Variants in WLS observed in about 807,000 individuals in gnomAD.
The protein encoded by WLS is Wnt ligand secretion mediator.
In WLS, 23 loss-of-function variants were observed where a neutral mutation model predicts 62.8. The ratio of observed to expected loss-of-function variants is 0.37; its 90% CI spans 0.26 to 0.52. The LOEUF is 0.52. Among genes scored for constraint, WLS ranks in the 20% least tolerant of loss-of-function variants. WLS has a pLI of 0.92. For missense variants in WLS, 615 were observed against 697.3 expected (o/e 0.88, Z 1.33); for synonymous variants, 246 against 244.1 (o/e 1.01, Z -0.07).
At chr1:68,193,477 G>T (rs1335644989) in intron 2 of WLS, among the ~76,000 whole-genome samples, 1 of 139,818 alleles carries the variant, frequency 7.2e-6, no homozygotes, top group Non-Finnish European at 1.5e-5. Context: ...GGAAATGGGT[G>T]CTCATGGGTT....
chr1:68,211,200 T>C (rs1482094275), intron 1 of WLS, among the ~76,000 whole-genome samples: 2 of 152,032 alleles, frequency 1.3e-5, no homozygotes, highest in African/African-American at 4.8e-5. Context: ...AGGACAGGTC[T>C]AAACCCAAAC....
At chr1:68,213,437 G>A (rs554581684) in intron 1 of WLS, among the ~76,000 whole-genome samples, 1 of 136,192 alleles carries the variant, frequency 7.3e-6, no homozygotes, top group South Asian at 2.4e-4. Flanking sequence ...GGCAACAAGA[G>A]CGAAACTTCA....
chr1:68,205,259 C>T (rs1037951283), intron 1 of WLS, among the ~76,000 whole-genome samples: 4 of 152,112 alleles, frequency 2.6e-5, no homozygotes, highest in African/African-American at 4.8e-5. Flanking sequence ...CTTCCAGATC[C>T]GTGTCAAGCA....
chr1:68,209,704 C>T (rs1454693403), intron 1 of WLS, among the ~76,000 whole-genome samples: 3 of 152,090 alleles, frequency 2.0e-5, no homozygotes, highest in South Asian at 2.1e-4. Flanking sequence ...TCACTTGAAC[C>T]TGGGAAGCGG....
intron 8 of WLS, among the ~76,000 whole-genome samples, chr1:68,147,261 A>G (rs1034739041): frequency 5.3e-5 from 8 of 152,226 alleles, no homozygotes; most frequent in Non-Finnish European, 1.5e-5. Context: ...ATTTAACATT[A>G]GAAACATTCT....
chr1:68,232,393 TC>T lies in WLS; in HGVS notation c.-95del. The T allele has an allele frequency of 6.7e-7, 1 of 1,490,210 alleles. No individual in the cohort carries two copies. The highest frequency in any genetic ancestry group is 9.0e-7 in the Non-Finnish European group (1 of 1,116,406). The allele number at this position is 1,490,210 out of a possible 1,614,324, so 92.3% of individuals were successfully genotyped here. Reference sequence around the variant, plus strand: ...CTCACACACTCCCTCCTTCCTCGCCTCCTTTCTGGGCGCTGCAAAACTTCAG... The same window carrying T: ...CTCACACACTCCCTCCTTCCTCGCCTCTTTCTGGGCGCTGCAAAACTTCAG... On this transcript the variant is annotated 5_prime_UTR_variant, in exon 1 of 12. Transcript: ENST00000262348.
intron 11 of WLS, among the ~76,000 whole-genome samples, chr1:68,133,818 TCA>T (rs1646566550): frequency 6.6e-6 from 1 of 152,150 alleles, no homozygotes; most frequent in South Asian, 2.1e-4. Flanking sequence ...TCCCTCCAAC[TCA>T]CATACCAAAC....
At chr1:68,107,192 C>T (rs773104848) in intron 11 of WLS, among the ~76,000 whole-genome samples, 5 of 152,076 alleles carry the variant, frequency 3.3e-5, no homozygotes, top group Admixed American at 6.5e-5. Context: ...TGTGAATCTT[C>T]ATTGACTTAA....
chr1:68,105,115 T>G (rs1222709273), intron 11 of WLS, among the ~76,000 whole-genome samples: 1 of 152,256 alleles, frequency 6.6e-6, no homozygotes, highest in Non-Finnish European at 1.5e-5. Context: ...TACCCTTTAT[T>G]AATGTCTATT....
intron 2 of WLS, among the ~76,000 whole-genome samples, chr1:68,179,189 TGA>T (rs1206876964): frequency 6.6e-6 from 1 of 152,188 alleles, no homozygotes; most frequent in Non-Finnish European, 1.5e-5. Context: ...GGTTTTCACT[TGA>T]GGGTCTCTGA....
intron 2 of WLS, among the ~76,000 whole-genome samples, chr1:68,161,030 T>C (rs1646964503): frequency 6.6e-6 from 1 of 152,224 alleles, no homozygotes; most frequent in African/African-American, 2.4e-5. Context: ...AACATTATTC[T>C]TCTTGAACCG....
intron 2 of WLS, among the ~76,000 whole-genome samples, chr1:68,184,102 A>T: frequency 6.6e-6 from 1 of 152,210 alleles, no homozygotes; most frequent in Non-Finnish European, 1.5e-5. Context: ...CAACCCCTGA[A>T]ACTCCTAGAT....
At chr1:68,190,817 G>C (rs1217865529) in intron 2 of WLS, among the ~76,000 whole-genome samples, 1 of 152,288 alleles carries the variant, frequency 6.6e-6, no homozygotes, top group African/African-American at 2.4e-5. Context: ...CAGCACTTTG[G>C]GAGGCCGAAG....
intron 1 of WLS, among the ~76,000 whole-genome samples, chr1:68,208,975 G>A (rs544409766): frequency 4.7e-4 from 72 of 152,236 alleles, no homozygotes; most frequent in South Asian, 1.0e-3. Context: ...TTGGCTGCCC[G>A]GTCCCCATCC....
chr1:68,160,311 T>G (rs1471653322), intron 2 of WLS, among the ~76,000 whole-genome samples: 1 of 148,386 alleles, frequency 6.7e-6, no homozygotes, highest in Non-Finnish European at 1.5e-5. Flanking sequence ...AGCAACTTTG[T>G]TTTTTTTTAA....
intron 2 of WLS, among the ~76,000 whole-genome samples, chr1:68,187,794 T>C (rs547267437): frequency 6.6e-6 from 1 of 152,222 alleles, no homozygotes; most frequent in South Asian, 2.1e-4. Flanking sequence ...AAAAAAAAAG[T>C]AGCTAAAAGT....
chr1:68,187,500 A>G (rs1648034201), intron 2 of WLS, among the ~76,000 whole-genome samples: 1 of 152,190 alleles, frequency 6.6e-6, no homozygotes, highest in Non-Finnish European at 1.5e-5. Flanking sequence ...TAATATTTAT[A>G]TATAGAAATG....
chr1:68,168,591 T>C (rs1277736155), intron 2 of WLS, among the ~76,000 whole-genome samples: 1 of 152,194 alleles, frequency 6.6e-6, no homozygotes, highest in Non-Finnish European at 1.5e-5. Context: ...GGAATGATTT[T>C]ATGGTTGTCA....
intron 2 of WLS, among the ~76,000 whole-genome samples, chr1:68,187,190 A>C (rs1365899946): frequency 8.9e-6 from 1 of 112,922 alleles, no homozygotes; most frequent in African/African-American, 3.5e-5. Context: ...CTCCATCTCC[A>C]AAAAAAAAAA....
Sources: allele counts gnomAD v4.1 joint callset (sites outside exome capture counted in the v4.1 genomes callset), GRCh38; gene constraint gnomAD v4.1.1; transcripts MANE v1.5; gene names NCBI Gene and HGNC (gene_info 2026-07-23, HGNC 2026-07-21).